MTPN: variants seen among roughly 807,000 people sequenced by gnomAD.
The protein encoded by MTPN is myotrophin.
A neutral mutation model predicts 13.5 loss-of-function variants in MTPN; 2 were observed. The ratio of observed to expected loss-of-function variants is 0.15; its 90% CI spans 0.06 to 0.47. The LOEUF (loss-of-function observed/expected upper bound fraction) is 0.47. MTPN is among the 20% of genes least tolerant of loss of function. The pLI is 0.97. For missense variants in MTPN, 79 were observed against 137.9 expected, an observed-to-expected ratio of 0.57 and a Z score of 2.14; for synonymous variants, 46 against 51.7, an observed-to-expected ratio of 0.89 and a Z score of 0.48.
chr7:135,962,102 C>A (rs1799532851), intron 1 of MTPN, among the ~76,000 whole-genome samples: 1 of 151,906 alleles, frequency 6.6e-6, no homozygotes, highest in Non-Finnish European at 1.5e-5. Context: ...TTGTACGTTA[C>A]TATTTCACTG....
chr7:135,968,707 C>A (rs1799642855), intron 1 of MTPN, among the ~76,000 whole-genome samples: 1 of 147,084 alleles, frequency 6.8e-6, no homozygotes, highest in South Asian at 2.1e-4. Context: ...TCCCACAGAT[C>A]ACACGATCCC....
At chr7:135,952,560 A>G (rs962762064) in intron 1 of MTPN, among the ~76,000 whole-genome samples, 2 of 152,230 alleles carry the variant, frequency 1.3e-5, no homozygotes, top group East Asian at 1.9e-4. Flanking sequence ...TTAGTAACAG[A>G]GTAGAGATTT....
intron 1 of MTPN, among the ~76,000 whole-genome samples, chr7:135,966,274 C>T (rs1000710150): frequency 2.0e-5 from 3 of 152,076 alleles, no homozygotes; most frequent in African/African-American, 7.2e-5. Flanking sequence ...CTTAGCCCAG[C>T]CCGCCTTGAA....
At chr7:135,937,447 CAT>C (rs1280237259) in intron 3 of MTPN, among the ~76,000 whole-genome samples, 6 of 151,820 alleles carry the variant, frequency 4.0e-5, no homozygotes, top group African/African-American at 1.5e-4. Context: ...CAGTCAACTA[CAT>C]ATATAGTCAT....
At chr7:135,954,460 T>C (rs890707165) in intron 1 of MTPN, among the ~76,000 whole-genome samples, 10 of 152,222 alleles carry the variant, frequency 6.6e-5, no homozygotes, top group Non-Finnish European at 1.3e-4. Flanking sequence ...AAAAATGTTG[T>C]TGAGGCAAAG....
intron 3 of MTPN, among the ~76,000 whole-genome samples, chr7:135,930,420 C>CT (rs1431852353): frequency 6.6e-6 from 1 of 152,074 alleles, no homozygotes; most frequent in Non-Finnish European, 1.5e-5. Context: ...ATTTGAAACA[C>CT]TTTTTGTAGA....
intron 1 of MTPN, among the ~76,000 whole-genome samples, chr7:135,955,854 A>C (rs1415730028): frequency 6.7e-6 from 1 of 149,664 alleles, no homozygotes; most frequent in Admixed American, 6.7e-5. Context: ...AAAAAAAAAA[A>C]CCCAATATGC....
intron 3 of MTPN, among the ~76,000 whole-genome samples, chr7:135,944,496 C>CA (rs201820645): frequency 0.016 from 2,363 of 151,932 alleles, 39 homozygotes; most frequent in Non-Finnish European, 0.02. Context: ...GTCAACATGG[C>CA]AAAACCCCCG....
At chr7:135,969,117 T>C (rs548653610) in intron 1 of MTPN, among the ~76,000 whole-genome samples, 2 of 130,990 alleles carry the variant, frequency 1.5e-5, no homozygotes, top group Non-Finnish European at 3.2e-5. Context: ...AGGGATAGCA[T>C]TGGGAGATAT....
Position 135,977,046 on chromosome 7 carries a change from T to C in MTPN, c.55A>G (p.Lys19Glu). 2 of 1,614,110 alleles carry C rather than the reference T, an allele frequency of 1.2e-6. No individual in the cohort carries two copies. The highest frequency in any genetic ancestry group is 1.1e-5 in the South Asian group (1 of 91,082). ...ALKNGDLDEV[K>E]DYVAKGEDVN... ...CCGCTTACCTTGGCCACATAGTCTT[T>C]CACCTCATCCAAGTCTCCGTTTTTC... The change falls in exon 1 of 4, where the codon AAA (lysine) becomes GAA (glutamate). Residue 19 changes from lysine (K) to glutamate (E), a missense_variant. Transcript: ENST00000393085.
At chr7:135,965,892 C>T (rs1799597232) in intron 1 of MTPN, among the ~76,000 whole-genome samples, 1 of 152,102 alleles carries the variant, frequency 6.6e-6, no homozygotes, top group African/African-American at 2.4e-5. Context: ...GGGATAGTTT[C>T]TGCAAATACC....
chr7:135,941,209 A>G (rs1316276740), intron 3 of MTPN, among the ~76,000 whole-genome samples: 2 of 152,216 alleles, frequency 1.3e-5, no homozygotes, highest in East Asian at 3.8e-4. Context: ...AATAGGAAAG[A>G]CCATTACCTT....
intron 1 of MTPN, 138 bp from the exon 2 acceptor site, chr7:135,951,768 A>T: frequency 1.8e-6 from 1 of 552,592 alleles, no homozygotes; most frequent in Non-Finnish European, 3.1e-6. Context: ...AAATAAAATA[A>T]CCAAAAACTT....
intron 1 of MTPN, among the ~76,000 whole-genome samples, chr7:135,962,983 C>A (rs1204344619): frequency 1.3e-5 from 2 of 151,928 alleles, no homozygotes; most frequent in Non-Finnish European, 2.9e-5. Context: ...TACTGTACTG[C>A]CACAAGAGAT....
rs182253418 is a variant in MTPN, at chr7:135,967,011, G to A, written c.72+10018C>T. Among the ~76,000 whole-genome samples, 95 of 152,176 alleles carry A rather than the reference G, an allele frequency of 6.2e-4. 2 individuals are homozygous for A. The highest frequency in any genetic ancestry group is 1.5e-5 in the Non-Finnish European group (1 of 67,994). The stretch of plus-strand genomic sequence containing the variant: ...CGGTGAAGAGCCTCTGAATTCTCAA[G>A]TTTGTGAGCCACTATTCAAGTGACT... On this transcript the variant is annotated intron_variant, in intron 1 of 3. Coordinates refer to ENST00000393085, the MANE Select transcript of MTPN (RefSeq NM_145808.4).
chr7:135,930,163 G>A, intron 3 of MTPN, 151 bp from the exon 4 acceptor site: 1 of 590,024 alleles, frequency 1.7e-6, no homozygotes, highest in Non-Finnish European at 3.0e-6. Context: ...AAACAAACAA[G>A]TTGGCAACAT....
chr7:135,937,380 C>G (rs1404473483), intron 3 of MTPN, among the ~76,000 whole-genome samples: 1 of 134,026 alleles, frequency 7.5e-6, no homozygotes, highest in Non-Finnish European at 1.7e-5. Flanking sequence ...TACACACACA[C>G]ACACACACAC....
At chr7:135,959,750 T>C (rs1799494802) in intron 1 of MTPN, among the ~76,000 whole-genome samples, 1 of 152,064 alleles carries the variant, frequency 6.6e-6, no homozygotes, top group African/African-American at 2.4e-5. Context: ...TTTGCTTTTT[T>C]AACAGTACTA....
intron 3 of MTPN, 34 bp from the exon 4 acceptor site, chr7:135,930,046 C>G: frequency 4.5e-6 from 7 of 1,549,962 alleles, no homozygotes; most frequent in Non-Finnish European, 6.2e-6. Context: ...ATTAAATGAG[C>G]CCACAACTGG....
Sources: allele counts gnomAD v4.1 joint callset (sites outside exome capture counted in the v4.1 genomes callset), GRCh38; gene constraint gnomAD v4.1.1; transcripts MANE v1.5; gene names NCBI Gene and HGNC (gene_info 2026-07-23, HGNC 2026-07-21).